Variants in RB1 observed in about 807,000 individuals in gnomAD.
The protein encoded by RB1 is retinoblastoma-associated protein.
In RB1, 18 loss-of-function variants were observed where a neutral mutation model predicts 135.4. That is an observed-to-expected ratio of 0.13 (90% CI 0.09 to 0.20). The LOEUF is 0.20. Ranked by LOEUF, RB1 falls within the 10% of genes least tolerant of loss-of-function variation. The pLI is 1.00. For synonymous variants in RB1, 365 were observed against 373.2 expected, an observed-to-expected ratio of 0.98 and a Z score of 0.25; for missense variants, 868 against 1,110.0, an observed-to-expected ratio of 0.78 and a Z score of 3.10.
At chr13:48,432,094 G>T (rs975754006) in intron 17 of RB1, among the ~76,000 whole-genome samples, 1 of 152,078 alleles carries the variant, frequency 6.6e-6, no homozygotes, top group African/African-American at 2.4e-5. Context: ...GGAAAAAGGG[G>T]GTGGGCTTTT....
intron 17 of RB1, chr13:48,439,877 T>G (rs1421887643): frequency 6.6e-6 from 1 of 152,154 alleles, no homozygotes; most frequent in African/African-American, 2.4e-5. Flanking sequence ...ATTAAGTCAC[T>G]TTTCAGAAAT....
chr13:48,449,070 G>T (rs948884467), intron 17 of RB1, among the ~76,000 whole-genome samples: 1 of 152,090 alleles, frequency 6.6e-6, no homozygotes, highest in Non-Finnish European at 1.5e-5. Flanking sequence ...GCTTAGGCAT[G>T]AGTAACTTCC....
rs1593456909 is a variant in RB1 at position 48,381,237 on chromosome 13, TC to T, written c.1499-9del. 1.9e-6 allele frequency: 3 copies of T among 1,593,202 alleles called. No homozygotes were observed. The highest frequency in any genetic ancestry group is 1.1e-5 in the South Asian group (1 of 86,972). On this transcript the variant is annotated splice_polypyrimidine_tract_variant and intron_variant, in intron 16 of 26. Coordinates refer to ENST00000267163, the MANE Select transcript of RB1 (RefSeq NM_000321.3). Reference sequence around the variant, plus strand: ...TTTCATAAATAGTTACTTTTTTTTTTCATTTTTAGGAAGTACATCTCAGAAT... The same window carrying T: ...TTTCATAAATAGTTACTTTTTTTTTTATTTTTAGGAAGTACATCTCAGAAT...
intron 10 of RB1, among the ~76,000 whole-genome samples, chr13:48,368,294 T>C (rs1437902791): frequency 6.6e-6 from 1 of 152,160 alleles, no homozygotes. Flanking sequence ...ACTTAATGAT[T>C]GGTATACCTC....
intron 6 of RB1, among the ~76,000 whole-genome samples, chr13:48,353,929 G>A (rs1449711684): frequency 6.6e-6 from 1 of 151,972 alleles, no homozygotes; most frequent in East Asian, 1.9e-4. Flanking sequence ...AGGATAGAAG[G>A]AACATACCTT....
At chr13:48,332,618 C>G (rs1566182997) in intron 2 of RB1, among the ~76,000 whole-genome samples, 1 of 152,092 alleles carries the variant, frequency 6.6e-6, no homozygotes, top group East Asian at 1.9e-4. Flanking sequence ...GTTCTGGACA[C>G]TTAATTTACA....
intron 17 of RB1, among the ~76,000 whole-genome samples, chr13:48,444,214 G>T (rs1231317080): frequency 1.3e-5 from 2 of 152,010 alleles, no homozygotes; most frequent in Non-Finnish European, 2.9e-5. Flanking sequence ...ATTTGCTGGA[G>T]CTGCTCACAA....
At chr13:48,318,889 G>A (rs944122114) in intron 2 of RB1, 7 of 1,132,766 alleles carry the variant, frequency 6.2e-6, no homozygotes, top group Non-Finnish European at 9.2e-6. Flanking sequence ...CCTGATCGAT[G>A]CTGTCGTCGC....
chr13:48,379,567 C>T (rs939489302), intron 13 of RB1, 27 bp from the exon 14 acceptor site: 1 of 1,606,090 alleles, frequency 6.2e-7, no homozygotes, highest in Non-Finnish European at 8.5e-7. Context: ...ATAGCAGGCT[C>T]TTATTTTTCT....
chr13:48,374,987 A>G (rs1952805570), intron 12 of RB1, among the ~76,000 whole-genome samples: 1 of 152,018 alleles, frequency 6.6e-6, no homozygotes, highest in Non-Finnish European at 1.5e-5. Flanking sequence ...TTTCTGTATT[A>G]ATTTGTTTAG....
chr13:48,324,508 A>C (rs753680630), intron 2 of RB1, among the ~76,000 whole-genome samples: 2 of 151,956 alleles, frequency 1.3e-5, no homozygotes, highest in Non-Finnish European at 2.9e-5. Context: ...ATTTCACTTA[A>C]CATGATGTTC....
chr13:48,340,726 GACAA>G (rs113125633), intron 2 of RB1: 3,180 of 169,822 alleles, frequency 0.019, 96 homozygotes, highest in African/African-American at 0.071. Context: ...TTATTAAAGA[GACAA>G]ACAACCTTTG....
intron 17 of RB1, chr13:48,404,190 G>C (rs1003663270): frequency 6.6e-6 from 1 of 152,164 alleles, no homozygotes; most frequent in Admixed American, 6.5e-5. Flanking sequence ...CAGACACGGG[G>C]CTAGGGTTTC....
intron 17 of RB1, among the ~76,000 whole-genome samples, chr13:48,451,322 A>C (rs1011305324): frequency 1.3e-5 from 2 of 152,080 alleles, no homozygotes; most frequent in Non-Finnish European, 2.9e-5. Context: ...GTTTGTTCAG[A>C]GTTTTTAACA....
chr13:48,458,202 T>C (rs1187376032), intron 19 of RB1, among the ~76,000 whole-genome samples: 2 of 152,194 alleles, frequency 1.3e-5, no homozygotes, highest in Non-Finnish European at 2.9e-5. Flanking sequence ...ACAAAAGTAG[T>C]GTGTTGTTGC....
chr13:48,331,014 A>G (rs556679758), intron 2 of RB1, among the ~76,000 whole-genome samples: 1 of 152,338 alleles, frequency 6.6e-6, no homozygotes, highest in African/African-American at 2.4e-5. Context: ...TACCACTTCA[A>G]CAGAATGAAG....
chr13:48,352,167 G>T (rs1199403694), intron 6 of RB1, among the ~76,000 whole-genome samples: 1 of 152,008 alleles, frequency 6.6e-6, no homozygotes, highest in South Asian at 2.1e-4. Context: ...TTATTTCTGG[G>T]TGCTCTATTC....
At chr13:48,349,953 A>G (rs1382089456) in intron 6 of RB1, among the ~76,000 whole-genome samples, 1 of 152,200 alleles carries the variant, frequency 6.6e-6, no homozygotes, top group Non-Finnish European at 1.5e-5. Context: ...GAAGGTCATT[A>G]TATAATGATA....
chr13:48,384,172 A>G (rs1467631503), intron 17 of RB1, among the ~76,000 whole-genome samples: 6 of 152,130 alleles, frequency 3.9e-5, no homozygotes, highest in Admixed American at 2.0e-4. Context: ...TTGATTTACA[A>G]TAGGAGACGT....
Sources: gnomAD v4.1 joint callset for allele counts (sites outside exome capture counted in the v4.1 genomes callset) on GRCh38, gnomAD v4.1.1 for gene constraint, MANE v1.5 for transcripts, NCBI Gene and HGNC (gene_info 2026-07-23, HGNC 2026-07-21) for gene names.